MED13L: variants seen among roughly 807,000 people sequenced by gnomAD.
The protein encoded by MED13L is mediator complex subunit 13L.
In MED13L, 7 loss-of-function variants were observed where a neutral mutation model predicts 220.9. The observed-to-expected ratio is 0.03, with a 90% CI of 0.02 to 0.06. The LOEUF is 0.06. Ranked by LOEUF, MED13L falls within the 10% of genes least tolerant of loss-of-function variation. The pLI, the probability that MED13L is intolerant of heterozygous loss-of-function variation, is 1.00. For synonymous variants in MED13L, 1,011 were observed against 1,015.2 expected (o/e 1.00, Z 0.08); for missense variants, 1,965 against 2,760.5 (o/e 0.71, Z 6.46).
chr12:115,975,754 A>G lies in MED13L; in HGVS notation c.5365-16T>C, dbSNP rs774928015. ...GGCTGGGCCGCTGAAATCAAAACCA[A>G]AATCAATATCAGTACAAAGCCATAC... is the stretch of plus-strand genomic sequence containing the variant. On this transcript the variant is annotated splice_polypyrimidine_tract_variant and intron_variant, in intron 23 of 30. Transcript: ENST00000281928. 1.7e-5 allele frequency: 27 copies of G among 1,606,462 alleles called. No homozygotes were observed. Among genetic ancestry groups the G allele is most frequent in the Non-Finnish European group, 2.3e-5 (27 of 1,173,960 alleles).
Position 115,960,726 on chromosome 12 carries a change from A to G in MED13L, c.*540T>C, listed in dbSNP as rs1162715484. ...TGACACACAGGTTTGAAGTCAACCA[A>G]AGCACTCATGCTAATCTGGATGGGA... On this transcript the variant is annotated 3_prime_UTR_variant, in exon 31 of 31. Coordinates refer to ENST00000281928, the MANE Select transcript of MED13L (RefSeq NM_015335.5). The G allele has an allele frequency of 1.2e-5, 2 of 172,948 alleles. No homozygotes were observed. The highest frequency in any genetic ancestry group is 1.1e-4 in the Admixed American group (2 of 18,618). The allele number at this position is 172,948 out of a possible 1,614,324, so 10.7% of individuals were successfully genotyped here.
intron 2 of MED13L, among the ~76,000 whole-genome samples, chr12:116,146,772 G>T (rs1877559501): frequency 6.6e-6 from 1 of 151,872 alleles, no homozygotes; most frequent in Non-Finnish European, 1.5e-5. Flanking sequence ...GGAGGCTGAG[G>T]CACAAAAATT....
At chr12:116,137,849 G>T (rs1006107178) in intron 2 of MED13L, among the ~76,000 whole-genome samples, 2 of 139,188 alleles carry the variant, frequency 1.4e-5, no homozygotes, top group African/African-American at 5.7e-5. Context: ...TTATAATGAG[G>T]TAATTTTTTT....
At position 115,982,617 on chromosome 12, in the gene MED13L, C is replaced by G; in HGVS notation, c.4956-14G>C. 1.3e-6 allele frequency: 2 copies of G among 1,592,424 alleles called. No homozygotes were observed. The highest frequency in any genetic ancestry group is 1.7e-6 in the Non-Finnish European group (2 of 1,160,502). ...CTTTCTGTAACACTGGAGAGAGAGT[C>G]ACTTGTGAGATGCACAAAATAAATA... is the stretch of plus-strand genomic sequence containing the variant. On this transcript the variant is annotated splice_polypyrimidine_tract_variant and intron_variant, in intron 21 of 30. Coordinates refer to ENST00000281928, the MANE Select transcript of MED13L (RefSeq NM_015335.5).
At chr12:116,245,929 G>A (rs1261738827) in intron 1 of MED13L, among the ~76,000 whole-genome samples, 1 of 152,120 alleles carries the variant, frequency 6.6e-6, no homozygotes, top group Non-Finnish European at 1.5e-5. Context: ...TGAGTGCTCA[G>A]AACAATGGAT....
At chr12:116,240,202 T>C (rs950376907) in intron 1 of MED13L, among the ~76,000 whole-genome samples, 9 of 152,002 alleles carry the variant, frequency 5.9e-5, no homozygotes, top group African/African-American at 1.7e-4. Flanking sequence ...GTTCAGGCAA[T>C]TCTCATGCCT....
chr12:115,985,848 C>T (rs1266868934), intron 19 of MED13L, among the ~76,000 whole-genome samples: 1 of 152,134 alleles, frequency 6.6e-6, no homozygotes, highest in Non-Finnish European at 1.5e-5. Flanking sequence ...CACATTTTTA[C>T]ACTGTTGTCA....
chr12:115,975,350 C>G (rs758481832), intron 24 of MED13L, 37 bp from the exon 25 acceptor site: 2 of 1,613,600 alleles, frequency 1.2e-6, no homozygotes. Context: ...GAAGGGGTCC[C>G]TAGATAAATC....
chr12:116,148,613 A>C (rs375659860), intron 2 of MED13L: 10 of 100,548 alleles, frequency 9.9e-5, no homozygotes, highest in Non-Finnish European at 2.0e-4. Context: ...AGATATCTAT[A>C]TATATATATA....
At chr12:115,971,050 T>G (rs1316822610) in intron 26 of MED13L, among the ~76,000 whole-genome samples, 1 of 152,234 alleles carries the variant, frequency 6.6e-6, no homozygotes, top group Non-Finnish European at 1.5e-5. Context: ...TTTCTAAAAA[T>G]AAACACCCTA....
At chr12:116,078,560 T>C (rs1459509297) in intron 4 of MED13L, among the ~76,000 whole-genome samples, 1 of 152,188 alleles carries the variant, frequency 6.6e-6, no homozygotes, top group Non-Finnish European at 1.5e-5. Context: ...CAGCAAATTA[T>C]AACCCCAAGG....
At chr12:116,093,677 T>C (rs560957961) in intron 4 of MED13L, among the ~76,000 whole-genome samples, 2 of 152,144 alleles carry the variant, frequency 1.3e-5, no homozygotes, top group African/African-American at 4.8e-5. Flanking sequence ...TAGCATATAC[T>C]ATCTATATGC....
chr12:116,002,770 C>T (rs1438874577), intron 14 of MED13L, among the ~76,000 whole-genome samples: 1 of 152,132 alleles, frequency 6.6e-6, no homozygotes, highest in Admixed American at 6.5e-5. Flanking sequence ...CTATAAAAAG[C>T]TAATTCTTAA....
chr12:116,025,398 G>A (rs1880327914), intron 4 of MED13L, among the ~76,000 whole-genome samples: 1 of 152,180 alleles, frequency 6.6e-6, no homozygotes, highest in Non-Finnish European at 1.5e-5. Context: ...CAAAGGAAAT[G>A]AACTCAGTAT....
chr12:116,072,219 A>G (rs1870431070), intron 4 of MED13L, among the ~76,000 whole-genome samples: 1 of 152,250 alleles, frequency 6.6e-6, no homozygotes, highest in African/African-American at 2.4e-5. Flanking sequence ...TTTTGAGTCC[A>G]AAGATAAAAC....
At chr12:116,048,736 C>T (rs1244509261) in intron 4 of MED13L, among the ~76,000 whole-genome samples, 2 of 152,146 alleles carry the variant, frequency 1.3e-5, no homozygotes, top group East Asian at 3.9e-4. Context: ...CAATATTTTA[C>T]TTGCTACTTT....
intron 17 of MED13L, among the ~76,000 whole-genome samples, 191 bp downstream of exon 17, chr12:115,990,829 C>T (rs1424942701): frequency 6.6e-6 from 1 of 152,162 alleles, no homozygotes; most frequent in Non-Finnish European, 1.5e-5. Context: ...TCTCCAAAGG[C>T]ATTTCAATAT....
intron 4 of MED13L, among the ~76,000 whole-genome samples, chr12:116,077,163 T>C (rs1456227885): frequency 1.3e-5 from 2 of 152,246 alleles, no homozygotes; most frequent in Non-Finnish European, 2.9e-5. Flanking sequence ...AGTATCTACC[T>C]GTTTTCACCT....
In MED13L at chr12:115,982,481, G is replaced by A; in HGVS notation, c.5078C>T (p.Ser1693Phe). The change falls in exon 22 of 31, where the codon TCC (serine) becomes TTC (phenylalanine). Residue 1693 changes from serine (S) to phenylalanine (F), a missense_variant. Around this residue, in one of 10 missense-constraint regions of MED13L, gnomAD observed 510 missense variants for 620.4 expected, o/e 0.82. Coordinates refer to ENST00000281928, the MANE Select transcript of MED13L (RefSeq NM_015335.5). Reference protein sequence around the residue: ...DPFTYAAEEDSTSGNFWLLSL... With the variant: ...DPFTYAAEEDFTSGNFWLLSL... Reference sequence around the variant, plus strand: ...CAACAGCCAAAAGTTCCCAGAAGTGGAGTCCTCCTCTGCAGCATACGTGAA... The same window carrying A: ...CAACAGCCAAAAGTTCCCAGAAGTGAAGTCCTCCTCTGCAGCATACGTGAA... 4 of 1,614,132 alleles carry A rather than the reference G, an allele frequency of 2.5e-6. No individual in the cohort carries two copies. The highest frequency in any genetic ancestry group is 3.4e-6 in the Non-Finnish European group (4 of 1,180,000).
Sources: allele counts gnomAD v4.1 joint callset (sites outside exome capture counted in the v4.1 genomes callset), GRCh38; gene constraint gnomAD v4.1.1; regional missense constraint gnomAD v4.1.1; transcripts MANE v1.5; gene names NCBI Gene and HGNC (gene_info 2026-07-23, HGNC 2026-07-21).